The following CHSY3 variants were observed in gnomAD, a reference collection of about 807,000 sequenced individuals.
CHSY3 encodes N-acetylgalactosaminyl-proteoglycan 3-beta-glucuronosyltransferase 3.
In CHSY3, 35 loss-of-function variants were observed where a neutral mutation model predicts 67.2. The ratio of observed to expected loss-of-function variants is 0.52; its 90% CI spans 0.40 to 0.69. The LOEUF (loss-of-function observed/expected upper bound fraction) is 0.69. CHSY3 is among the 30% of genes least tolerant of loss of function. CHSY3 has a pLI of 0.00. For missense variants in CHSY3, 1,069 were observed against 1,138.5 expected (o/e 0.94, Z 0.88); for synonymous variants, 474 against 434.7 (o/e 1.09, Z -1.12).
intron 2 of CHSY3, among the ~76,000 whole-genome samples, chr5:130,080,578 A>C (rs1468120818): frequency 2.0e-5 from 3 of 152,150 alleles, no homozygotes; most frequent in Non-Finnish European, 4.4e-5. Flanking sequence ...TTGGAAAATA[A>C]TCAAGATCAG....
At chr5:130,008,229 A>G (rs534045133) in intron 2 of CHSY3, among the ~76,000 whole-genome samples, 183 of 150,682 alleles carry the variant, frequency 1.2e-3, no homozygotes, top group Middle Eastern at 0.01. Flanking sequence ...CACCCCCCAT[A>G]CCCCCCATTG....
intron 2 of CHSY3, among the ~76,000 whole-genome samples, chr5:130,180,407 A>C (rs1023091336): frequency 1.3e-5 from 2 of 152,144 alleles, no homozygotes; most frequent in African/African-American, 4.8e-5. Flanking sequence ...ATTACATTTT[A>C]CTGATATTTG....
intron 2 of CHSY3, among the ~76,000 whole-genome samples, chr5:130,090,444 A>G (rs62391449): frequency 0.056 from 8,526 of 152,180 alleles, 354 homozygotes; most frequent in Non-Finnish European, 0.082. Flanking sequence ...TCCAGTCCAC[A>G]TGGTCCACAC....
chr5:130,050,041 C>G (rs188007222), intron 2 of CHSY3, among the ~76,000 whole-genome samples: 1 of 152,040 alleles, frequency 6.6e-6, no homozygotes, highest in African/African-American at 2.4e-5. Flanking sequence ...GTAGGTATGC[C>G]TGTAAGCTGT....
intron 2 of CHSY3, among the ~76,000 whole-genome samples, chr5:129,948,315 G>A (rs1357133507): frequency 6.6e-6 from 1 of 152,052 alleles, no homozygotes; most frequent in Non-Finnish European, 1.5e-5. Flanking sequence ...CCACTTTACG[G>A]TCTTTATCCC....
intron 2 of CHSY3, among the ~76,000 whole-genome samples, chr5:130,031,104 ATAAATAAATAAG>A (rs1764693182): frequency 6.6e-6 from 1 of 151,914 alleles, no homozygotes; most frequent in South Asian, 2.1e-4. Flanking sequence ...GGTATGAAAA[ATAAATAAATAAG>A]TAAATAAATA....
chr5:129,919,137 A>AAAAT (rs397938909), intron 2 of CHSY3, among the ~76,000 whole-genome samples: 6 of 150,342 alleles, frequency 4.0e-5, no homozygotes, highest in Non-Finnish European at 7.4e-5. Context: ...AAAAAAAAAA[A>AAAAT]TTTATTCTGC....
intron 2 of CHSY3, among the ~76,000 whole-genome samples, chr5:130,048,215 GC>G (rs1765213068): frequency 1.3e-5 from 2 of 151,892 alleles, no homozygotes; most frequent in Admixed American, 6.6e-5. Context: ...TGCAGGGTGG[GC>G]TTTTATGTGT....
chr5:130,036,717 A>T (rs1458371230), intron 2 of CHSY3, among the ~76,000 whole-genome samples: 1 of 152,134 alleles, frequency 6.6e-6, no homozygotes, highest in Non-Finnish European at 1.5e-5. Context: ...TTGTTTTAAC[A>T]TGGATTAGTA....
chr5:129,906,794 C>T (rs1760321512), intron 1 of CHSY3, among the ~76,000 whole-genome samples: 1 of 152,204 alleles, frequency 6.6e-6, no homozygotes, highest in Non-Finnish European at 1.5e-5. Context: ...CTCGTAGCCT[C>T]ATTGCTTCCT....
chr5:129,969,533 AG>A (rs1485468639), intron 2 of CHSY3, among the ~76,000 whole-genome samples: 1 of 151,816 alleles, frequency 6.6e-6, no homozygotes, highest in East Asian at 1.9e-4. Context: ...CATGAATATC[AG>A]TTATTTGCTT....
At chr5:130,066,450 T>A (rs1401829694) in intron 2 of CHSY3, among the ~76,000 whole-genome samples, 1 of 152,092 alleles carries the variant, frequency 6.6e-6, no homozygotes, top group Non-Finnish European at 1.5e-5. Flanking sequence ...AATTTGAACT[T>A]AGGGCCTCTA....
chr5:130,093,424 T>C (rs1016073320), intron 2 of CHSY3, among the ~76,000 whole-genome samples: 4 of 152,232 alleles, frequency 2.6e-5, no homozygotes, highest in African/African-American at 9.6e-5. Context: ...ATATGTTTGG[T>C]TGTAAATATT....
At chr5:130,057,912 G>A (rs1166972153) in intron 2 of CHSY3, among the ~76,000 whole-genome samples, 1 of 152,126 alleles carries the variant, frequency 6.6e-6, no homozygotes, top group Non-Finnish European at 1.5e-5. Context: ...GAGAGAGAGA[G>A]AGAGAGAGAG....
intron 2 of CHSY3, among the ~76,000 whole-genome samples, chr5:130,142,946 C>G (rs73788416): frequency 0.085 from 12,900 of 152,242 alleles, 945 homozygotes; most frequent in East Asian, 0.27. Flanking sequence ...CTTCTAAAGA[C>G]ACATTAATAA....
intron 2 of CHSY3, among the ~76,000 whole-genome samples, chr5:130,015,869 T>C (rs1764204844): frequency 1.3e-5 from 2 of 152,120 alleles, no homozygotes; most frequent in Admixed American, 1.3e-4. Context: ...AAAGAAAATG[T>C]GGTATATATA....
At chr5:130,088,176 T>C (rs986800653) in intron 2 of CHSY3, among the ~76,000 whole-genome samples, 1 of 152,084 alleles carries the variant, frequency 6.6e-6, no homozygotes, top group African/African-American at 2.4e-5. Flanking sequence ...TGTAGAAAGC[T>C]GAAACTGGAT....
intron 2 of CHSY3, among the ~76,000 whole-genome samples, chr5:129,938,788 A>G (rs1761597952): frequency 1.3e-5 from 2 of 152,106 alleles, no homozygotes; most frequent in Non-Finnish European, 2.9e-5. Context: ...TCAGCATTTG[A>G]TCACAATAAT....
chr5:129,982,292 C>G (rs1763042688), intron 2 of CHSY3, among the ~76,000 whole-genome samples: 1 of 151,880 alleles, frequency 6.6e-6, no homozygotes, highest in African/African-American at 2.4e-5. Context: ...AAAACACACA[C>G]ACACACAAAA....
Sources: gnomAD v4.1 joint callset for allele counts (sites outside exome capture counted in the v4.1 genomes callset) on GRCh38, gnomAD v4.1.1 for gene constraint, MANE v1.5 for transcripts, NCBI Gene and HGNC (gene_info 2026-07-23, HGNC 2026-07-21) for gene names.